The following GLG1 variants were observed in gnomAD, a reference collection of about 807,000 sequenced individuals.
GLG1 encodes the protein golgi glycoprotein 1, also known as Golgi apparatus protein 1.
A neutral mutation model predicts 160.5 loss-of-function variants in GLG1; 38 were observed. That is an observed-to-expected ratio of 0.24 (90% CI 0.18 to 0.31). GLG1 has a LOEUF of 0.31. Among genes scored for constraint, GLG1 ranks in the 10% least tolerant of loss-of-function variants. The pLI, the probability that GLG1 is intolerant of heterozygous loss-of-function variation, is 1.00. For missense variants in GLG1, 1,373 were observed against 1,505.2 expected, an observed-to-expected ratio of 0.91 and a Z score of 1.45; for synonymous variants, 644 against 543.4, an observed-to-expected ratio of 1.19 and a Z score of -2.57.
intron 17 of GLG1, chr16:74,468,605 G>A (rs11643293): frequency 0.28 from 64,630 of 227,628 alleles, 9,810 homozygotes; most frequent in Middle Eastern, 0.36. Flanking sequence ...GACCTCAAGC[G>A]ATCCACCTGC....
chr16:74,550,847 A>T (rs1209823941), intron 1 of GLG1, among the ~76,000 whole-genome samples: 4 of 152,196 alleles, frequency 2.6e-5, no homozygotes, highest in Non-Finnish European at 4.4e-5. Context: ...ATGCTGAACA[A>T]GGGCAGTAGA....
intron 1 of GLG1, among the ~76,000 whole-genome samples, chr16:74,594,661 G>T (rs938078401): frequency 2.0e-5 from 3 of 152,154 alleles, no homozygotes; most frequent in African/African-American, 4.8e-5. Flanking sequence ...TCAAGTGGAA[G>T]GAGCTAAAGC....
At chr16:74,498,476 A>T (rs1349491601) in intron 4 of GLG1, among the ~76,000 whole-genome samples, 24 of 117,890 alleles carry the variant, frequency 2.0e-4, no homozygotes, top group Non-Finnish European at 3.8e-4. Context: ...ATTATATTTT[A>T]TATATATATT....
intron 25 of GLG1, among the ~76,000 whole-genome samples, chr16:74,455,821 A>G (rs1404497273): frequency 6.6e-6 from 1 of 152,222 alleles, no homozygotes; most frequent in Non-Finnish European, 1.5e-5. Context: ...TTCACTGTAA[A>G]GTGACGAAAC....
intron 1 of GLG1, among the ~76,000 whole-genome samples, chr16:74,583,135 A>G (rs943668881): frequency 5.9e-5 from 9 of 152,052 alleles, no homozygotes; most frequent in African/African-American, 2.2e-4. Context: ...CTTCATCGCA[A>G]GCTGTCCCCA....
chr16:74,498,448 G>GTATATATATATATATATTATATATATATA lies in GLG1; in HGVS notation c.775-1805_775-1804insTATATATATATAATATATATATATATATA, dbSNP rs2016282471. ...GGCTCTGTCTCAAAAAAAAAAAAAA[G>GTATATATATATATATATTATATATATATA]TATATATATATATATATATTATATT... On this transcript the variant is annotated intron_variant, in intron 4 of 25. Transcript: ENST00000422840. Among the ~76,000 whole-genome samples, 10 of 24,052 alleles carry GTATATATATATATATATTATATATATATA rather than the reference G, an allele frequency of 4.2e-4. 1 individual carries two copies. Among genetic ancestry groups the GTATATATATATATATATTATATATATATA allele is most frequent in the African/African-American group, 1.3e-3 (9 of 7,156 alleles). The allele number at this position is 24,052 out of a possible 152,430, so 15.8% of individuals were successfully genotyped here. A position where few individuals can be genotyped will look rare whatever the true frequency, so the allele number is the denominator to read the frequency against.
rs1166649405 is a variant in GLG1, at chr16:74,491,254, T to A, written c.1235-39A>T. 3 of 1,381,002 alleles carry A rather than the reference T, an allele frequency of 2.2e-6. No homozygotes were observed. The South Asian group carries it at 3.5e-5, about 16-fold the overall frequency. The allele number at this position is 1,381,002 out of a possible 1,614,324, so 85.5% of individuals were successfully genotyped here. ...TAAGTCATAACATTACGAAGGGTGA[T>A]GCTATGTATTAGCATCAGAAATCAC... On this transcript the variant is annotated intron_variant, in intron 7 of 25. Transcript: ENST00000422840.
intron 2 of GLG1, among the ~76,000 whole-genome samples, chr16:74,522,590 T>C (rs540708861): frequency 6.6e-6 from 1 of 152,356 alleles, no homozygotes; most frequent in East Asian, 1.9e-4. Context: ...CTGTGTGACT[T>C]CTTTACATAT....
At chr16:74,528,240 A>C (rs2017403610) in intron 2 of GLG1, among the ~76,000 whole-genome samples, 1 of 151,952 alleles carries the variant, frequency 6.6e-6, no homozygotes, top group East Asian at 1.9e-4. Flanking sequence ...GCCTCAAGCG[A>C]TCTGCCTGCC....
At chr16:74,497,104 G>C (rs1475070574) in intron 4 of GLG1, among the ~76,000 whole-genome samples, 2 of 151,726 alleles carry the variant, frequency 1.3e-5, no homozygotes, top group East Asian at 1.9e-4. Flanking sequence ...CATGGTGAAG[G>C]CCCATCTGTA....
chr16:74,574,014 T>A (rs2018915197), intron 1 of GLG1, among the ~76,000 whole-genome samples: 1 of 152,152 alleles, frequency 6.6e-6, no homozygotes, highest in South Asian at 2.1e-4. Flanking sequence ...TGCCTCTTTT[T>A]AAGCTACTGA....
At chr16:74,603,090 A>AAAC (rs74553816) in intron 1 of GLG1, among the ~76,000 whole-genome samples, 4,279 of 150,136 alleles carry the variant, frequency 0.029, 107 homozygotes, top group African/African-American at 0.061. Flanking sequence ...ACTTCGTCTC[A>AAAC]AACAACAACA....
chr16:74,525,363 T>C (rs2017301886), intron 2 of GLG1, among the ~76,000 whole-genome samples: 1 of 152,228 alleles, frequency 6.6e-6, no homozygotes, highest in Admixed American at 6.5e-5. Flanking sequence ...GTGGTTAGGA[T>C]ACACATTTCC....
At chr16:74,475,819 A>G (rs1057200688) in intron 12 of GLG1, among the ~76,000 whole-genome samples, 6 of 152,318 alleles carry the variant, frequency 3.9e-5, no homozygotes, top group Non-Finnish European at 8.8e-5. Context: ...AGAAGAAGAA[A>G]TAAAAAAGCT....
At chr16:74,577,547 A>C (rs2019040513) in intron 1 of GLG1, among the ~76,000 whole-genome samples, 1 of 151,820 alleles carries the variant, frequency 6.6e-6, no homozygotes, top group South Asian at 2.1e-4. Context: ...AAGAATCCCA[A>C]ATACAATAAT....
chr16:74,586,560 A>C (rs1325527966), intron 1 of GLG1, among the ~76,000 whole-genome samples: 1 of 151,910 alleles, frequency 6.6e-6, no homozygotes, highest in Non-Finnish European at 1.5e-5. Context: ...CTGCAGCCTC[A>C]ATCTCCTCAG....
At position 74,578,180 on chromosome 16, in the gene GLG1, T is replaced by C. The variant is rs550015976; in HGVS notation, c.438+28477A>G. 5.3e-5 allele frequency among the ~76,000 whole-genome samples: 8 copies of C among 152,314 alleles called. No individual in the cohort carries two copies. In the South Asian group the frequency reaches 1.2e-3, roughly 24 times the overall value. ...TCTCTTTTTGAAAAACTGTTTATTA[T>C]GAGTATGTGATGACTCATGACTGAT... On this transcript the variant is annotated intron_variant, in intron 1 of 25. Transcript: ENST00000422840.
At chr16:74,539,493 TAATAA>T (rs1004189685) in intron 1 of GLG1, among the ~76,000 whole-genome samples, 3 of 146,416 alleles carry the variant, frequency 2.0e-5, no homozygotes, top group South Asian at 2.2e-4. Flanking sequence ...CCTTTAATTC[TAATAA>T]AATAAAAGGG....
intron 1 of GLG1, among the ~76,000 whole-genome samples, chr16:74,542,556 A>T (rs1420484898): frequency 6.6e-6 from 1 of 151,296 alleles, no homozygotes; most frequent in Non-Finnish European, 1.5e-5. Context: ...CTGTAATCCC[A>T]GCTACTTTGG....
Sources: gnomAD v4.1 joint callset for allele counts (sites outside exome capture counted in the v4.1 genomes callset) on GRCh38, gnomAD v4.1.1 for gene constraint, MANE v1.5 for transcripts, NCBI Gene and HGNC (gene_info 2026-07-23, HGNC 2026-07-21) for gene names.